Variants in EHMT1 observed in about 807,000 individuals in gnomAD.
EHMT1 encodes the protein histone-lysine N-methyltransferase EHMT1.
In EHMT1, 15 loss-of-function variants were observed where a neutral mutation model predicts 147.2. That is an observed-to-expected ratio of 0.10 (90% CI 0.07 to 0.16). EHMT1 has a LOEUF of 0.16. EHMT1 is among the 10% of genes least tolerant of loss of function. The pLI is 1.00. For missense variants in EHMT1, 1,587 were observed against 1,772.4 expected (o/e 0.90, Z 1.88); for synonymous variants, 795 against 709.6 (o/e 1.12, Z -1.91).
chr9:137,635,168 G>A (rs369404540), intron 1 of EHMT1, among the ~76,000 whole-genome samples: 10 of 151,698 alleles, frequency 6.6e-5, no homozygotes, highest in African/African-American at 1.9e-4. Context: ...GGGGAACACC[G>A]GATGCTTGTC....
intron 4 of EHMT1, among the ~76,000 whole-genome samples, chr9:137,735,778 C>T (rs1947480645): frequency 6.6e-6 from 1 of 152,136 alleles, no homozygotes; most frequent in East Asian, 1.9e-4. Context: ...CTCTTAGTTG[C>T]CTTGAGAGTG....
chr9:137,733,391 A>G (rs538750653), intron 4 of EHMT1, among the ~76,000 whole-genome samples: 25 of 152,330 alleles, frequency 1.6e-4, no homozygotes, highest in African/African-American at 5.3e-4. Flanking sequence ...TTCTAGAAAG[A>G]TAGTGGGGCA....
At chr9:137,745,233 A>G (rs1000556681) in intron 6 of EHMT1, among the ~76,000 whole-genome samples, 1 of 152,176 alleles carries the variant, frequency 6.6e-6, no homozygotes, top group African/African-American at 2.4e-5. Context: ...CCCTGAATGT[A>G]TACAAAGCAT....
chr9:137,833,737 G>A (rs914998258), intron 25 of EHMT1, among the ~76,000 whole-genome samples: 2 of 152,240 alleles, frequency 1.3e-5, no homozygotes, highest in Middle Eastern at 3.2e-3. Flanking sequence ...TGAGGAGGAC[G>A]CCTCAGTCTC....
intron 1 of EHMT1, among the ~76,000 whole-genome samples, chr9:137,706,908 G>A (rs1400424946): frequency 2.0e-5 from 3 of 151,014 alleles, no homozygotes; most frequent in Admixed American, 6.6e-5. Flanking sequence ...TGCAACCTCC[G>A]CCCCCGCCCA....
intron 6 of EHMT1, chr9:137,747,569 G>C (rs1257106400): frequency 6.6e-6 from 1 of 152,228 alleles, no homozygotes. Context: ...ATTATTTAAA[G>C]ACCAGGATTT....
intron 4 of EHMT1, among the ~76,000 whole-genome samples, chr9:137,742,526 C>T (rs1234039997): frequency 6.6e-6 from 1 of 152,038 alleles, no homozygotes; most frequent in Non-Finnish European, 1.5e-5. Flanking sequence ...GCTTTTAGAT[C>T]TGTTTTTCTT....
intron 25 of EHMT1, among the ~76,000 whole-genome samples, chr9:137,833,244 G>A (rs1047445875): frequency 5.3e-5 from 8 of 152,232 alleles, no homozygotes; most frequent in African/African-American, 1.9e-4. Context: ...TCGGAACTCG[G>A]TCCTGGAAAG....
chr9:137,777,576 A>T (rs188097494), intron 12 of EHMT1, among the ~76,000 whole-genome samples: 1 of 152,314 alleles, frequency 6.6e-6, no homozygotes, highest in East Asian at 1.9e-4. Context: ...TGTAAATTTA[A>T]TGCACTTTGA....
At chr9:137,711,459 G>A (rs1013461488) in intron 2 of EHMT1, among the ~76,000 whole-genome samples, 22 of 152,260 alleles carry the variant, frequency 1.4e-4, no homozygotes, top group Middle Eastern at 3.4e-3. Context: ...CATGACTGAC[G>A]CCGCGCCATG....
At chr9:137,792,740 G>A (rs1026146536) in intron 16 of EHMT1, among the ~76,000 whole-genome samples, 2 of 152,154 alleles carry the variant, frequency 1.3e-5, no homozygotes, top group Non-Finnish European at 2.9e-5. Flanking sequence ...TGAAAGGCCC[G>A]TACTTAAGAG....
chr9:137,816,365 T>C (rs776787227), intron 23 of EHMT1: 7 of 439,206 alleles, frequency 1.6e-5, no homozygotes, highest in Non-Finnish European at 2.6e-5. Context: ...ACCGAGTTCA[T>C]GCGAACATTC....
chr9:137,757,428 A>C (rs1231556429), intron 8 of EHMT1, among the ~76,000 whole-genome samples: 1 of 152,248 alleles, frequency 6.6e-6, no homozygotes, highest in African/African-American at 2.4e-5. Flanking sequence ...TTTGCCTGCA[A>C]CATGGCACCT....
intron 25 of EHMT1, among the ~76,000 whole-genome samples, chr9:137,822,892 C>T (rs1955532446): frequency 7.7e-6 from 1 of 130,710 alleles, no homozygotes; most frequent in African/African-American, 4.1e-5. Context: ...AAAACTTCAT[C>T]TCGAAAAAAA....
Position 137,782,735 on chromosome 9 carries a change from G to A in EHMT1, c.2382+338G>A, listed in dbSNP as rs542104742. On this transcript the variant is annotated intron_variant, in intron 15 of 26. Coordinates refer to ENST00000460843, the MANE Select transcript of EHMT1 (RefSeq NM_024757.5). The surrounding 1 kb of genome is among the most constrained non-coding windows in gnomAD (Gnocchi z 5.7). Reference sequence around the variant, plus strand: ...GCACGGACGCCCCTCCCCCAGCCCCGTTGACTGGCTCCCATTTTGTTTAGA... The same window carrying A: ...GCACGGACGCCCCTCCCCCAGCCCCATTGACTGGCTCCCATTTTGTTTAGA... 2.7e-4 allele frequency among the ~76,000 whole-genome samples: 41 copies of A among 152,142 alleles called. No homozygotes were observed. Among genetic ancestry groups the A allele is most frequent in the Non-Finnish European group, 5.6e-4 (38 of 68,030 alleles).
chr9:137,680,756 G>C (rs1204108659), intron 1 of EHMT1: 2 of 152,296 alleles, frequency 1.3e-5, no homozygotes, highest in Non-Finnish European at 2.9e-5. Flanking sequence ...GGCACCACCT[G>C]TGAGACCCTA....
At chr9:137,624,742 G>A (rs142108290) in intron 1 of EHMT1, among the ~76,000 whole-genome samples, 14 of 151,990 alleles carry the variant, frequency 9.2e-5, no homozygotes, top group African/African-American at 3.1e-4. Context: ...GATTACAGGC[G>A]TGAGCCACTG....
chr9:137,745,615 T>C (rs1392044669), intron 6 of EHMT1: 1 of 398,386 alleles, frequency 2.5e-6, no homozygotes, highest in Non-Finnish European at 4.4e-6. Context: ...GACTGCACCG[T>C]GGGGAAGCAG....
intron 6 of EHMT1, chr9:137,747,002 G>C (rs1317365236): frequency 1.4e-4 from 21 of 152,184 alleles, no homozygotes; most frequent in Admixed American, 1.2e-3. Flanking sequence ...AAGATGGCAG[G>C]AACAGCCTTA....
Sources: gnomAD v4.1 joint callset for allele counts (sites outside exome capture counted in the v4.1 genomes callset) on GRCh38, gnomAD v4.1.1 for gene constraint, Gnocchi (gnomAD v3.1) non-coding constraint, MANE v1.5 for transcripts, NCBI Gene and HGNC (gene_info 2026-07-23, HGNC 2026-07-21) for gene names.